AFF2: variants seen among roughly 807,000 people sequenced by gnomAD.
The protein encoded by AFF2 is ALF transcription elongation factor 2.
A neutral mutation model predicts 76.9 loss-of-function variants in AFF2; 14 were observed. The ratio of observed to expected loss-of-function variants is 0.18; its 90% CI spans 0.12 to 0.28. The LOEUF (loss-of-function observed/expected upper bound fraction) is 0.28. Ranked by LOEUF, AFF2 falls within the 10% of genes least tolerant of loss-of-function variation. AFF2 has a pLI of 1.00. For synonymous variants in AFF2, 398 were observed against 366.7 expected (o/e 1.09, Z -0.98); for missense variants, 868 against 1,001.1 (o/e 0.87, Z 1.79).
intron 3 of AFF2, among the ~76,000 whole-genome samples, chrX:148,806,498 C>T (rs189708690): frequency 8.9e-6 from 1 of 111,734 alleles, no homozygotes; most frequent in East Asian, 2.8e-4. Flanking sequence ...AATCAGACCT[C>T]CTGTTTGGTC....
intron 4 of AFF2, chrX:148,822,339 A>C (rs1394416880): frequency 1.8e-5 from 2 of 111,387 alleles, no homozygotes; most frequent in Non-Finnish European, 3.8e-5. Flanking sequence ...CTCTATAGAT[A>C]AGCAGTGGTA....
Position 148,662,199 on chromosome X carries a change from G to A in AFF2, c.472G>A (p.Glu158Lys). ...LIHSNRKSKP[E>K]WSRDSHNPST... ...ACACAGCAACAGAAAATCAAAACCT[G>A]AGTGGTCACGTGATAGTCATAACCC... The change falls in exon 3 of 21, where the codon GAG becomes AAG. Residue 158 changes from glutamate to lysine, a missense_variant. This residue lies in a region of AFF2 where 196 missense variants were observed against 194.8 expected (regional missense o/e 1.01). Transcript: ENST00000370460. 1 of 1,210,692 alleles carries A rather than the reference G, an allele frequency of 8.3e-7. No homozygotes were observed. Among genetic ancestry groups the A allele is most frequent in the Non-Finnish European group, 1.1e-6 (1 of 894,772 alleles).
At chrX:148,804,187 A>G (rs1372297671) in intron 3 of AFF2, among the ~76,000 whole-genome samples, 1 of 111,705 alleles carries the variant, frequency 9.0e-6, no homozygotes, top group Non-Finnish European at 1.9e-5. Context: ...CAACATCACA[A>G]AAATCCTAGA....
chrX:148,672,659 A>AT (rs1213900306), intron 3 of AFF2, among the ~76,000 whole-genome samples: 4 of 112,228 alleles, frequency 3.6e-5, no homozygotes, highest in African/African-American at 1.3e-4. Flanking sequence ...AAAAAGAGCA[A>AT]TTTTTCTTGT....
chrX:148,592,635 G>C (rs1012611429), intron 1 of AFF2, among the ~76,000 whole-genome samples: 1 of 111,971 alleles, frequency 8.9e-6, no homozygotes, highest in South Asian at 3.7e-4. Context: ...GAAATTAAAA[G>C]TGATCTGTGA....
At chrX:148,583,147 T>C (rs1349329381) in intron 1 of AFF2, among the ~76,000 whole-genome samples, 1 of 111,798 alleles carries the variant, frequency 8.9e-6, no homozygotes, top group African/African-American at 3.3e-5. Context: ...TTCCTTGGGG[T>C]TAATAAATAG....
chrX:148,909,159 C>A (rs782060706), intron 9 of AFF2, among the ~76,000 whole-genome samples: 1 of 112,114 alleles, frequency 8.9e-6, no homozygotes, highest in African/African-American at 3.2e-5. Context: ...CCACTTAATT[C>A]TCATTCAGAG....
intron 7 of AFF2, among the ~76,000 whole-genome samples, chrX:148,875,866 C>T (rs781798621): frequency 1.2e-4 from 13 of 110,752 alleles, no homozygotes; most frequent in Non-Finnish European, 2.5e-4. Flanking sequence ...TTCAGCACTC[C>T]TGGAATGATA....
chrX:148,857,613 G>T (rs2070801040), intron 7 of AFF2, among the ~76,000 whole-genome samples: 1 of 111,488 alleles, frequency 9.0e-6, no homozygotes, highest in South Asian at 3.8e-4. Context: ...TGAAACTGCA[G>T]GTCAAATGAG....
At chrX:148,567,896 A>T (rs1023327483) in intron 1 of AFF2, among the ~76,000 whole-genome samples, 3 of 111,882 alleles carry the variant, frequency 2.7e-5, no homozygotes, top group African/African-American at 9.7e-5. Context: ...AGTAGTGATC[A>T]GGAGGAGCGA....
At chrX:148,698,797 G>GTTTTTTT (rs142604433) in intron 3 of AFF2, among the ~76,000 whole-genome samples, 7 of 71,708 alleles carry the variant, frequency 9.8e-5, no homozygotes, top group Non-Finnish European at 1.1e-4. Context: ...GAGTTCTAGT[G>GTTTTTTT]TTTTTTTTTT....
At chrX:148,966,695 C>G in intron 13 of AFF2, 95 bp from the exon 14 acceptor site, 1 of 1,059,098 alleles carries the variant, frequency 9.4e-7, no homozygotes. Context: ...TTTTTTTTGC[C>G]TTCTTTCGTA....
chrX:148,880,746 C>T (rs781887879), intron 7 of AFF2, among the ~76,000 whole-genome samples: 9 of 111,763 alleles, frequency 8.1e-5, no homozygotes, highest in Non-Finnish European at 1.7e-4. Flanking sequence ...CCTCCTCCCT[C>T]TCCTATATGA....
chrX:148,760,423 T>C (rs1405116391), intron 3 of AFF2, among the ~76,000 whole-genome samples: 1 of 112,619 alleles, frequency 8.9e-6, no homozygotes, highest in African/African-American at 3.2e-5. Flanking sequence ...ACTACCTTTC[T>C]TTCTTCTTTT....
At chrX:148,964,312 G>T (rs2072146355) in intron 13 of AFF2, among the ~76,000 whole-genome samples, 1 of 112,233 alleles carries the variant, frequency 8.9e-6, no homozygotes, top group Admixed American at 9.4e-5. Flanking sequence ...TCTCTGAATG[G>T]TCCAAGGAGG....
At position 148,618,320 on chromosome X, in the gene AFF2, G is replaced by A. The variant is rs2053833371; in HGVS notation, c.48-33679G>A. ...TCTCACAGTTCACAGGGCTGAGGAG[G>A]CCTCAGGAAACATACAGTCATGGTG... On this transcript the variant is annotated intron_variant, in intron 1 of 20. Coordinates refer to ENST00000370460, the MANE Select transcript of AFF2 (RefSeq NM_002025.4). Among the ~76,000 whole-genome samples, 21 of 111,458 alleles carry A rather than the reference G, an allele frequency of 1.9e-4. No individual in the cohort carries two copies. In the Admixed American group the frequency reaches 2.0e-3, roughly 11 times the overall value.
intron 3 of AFF2, among the ~76,000 whole-genome samples, chrX:148,779,249 T>G (rs2069709240): frequency 9.0e-6 from 1 of 111,501 alleles, no homozygotes; most frequent in African/African-American, 3.3e-5. Context: ...TGCTGAGGAG[T>G]GTTTTACTTC....
chrX:148,741,633 G>A (rs1451462154), intron 3 of AFF2, among the ~76,000 whole-genome samples: 1 of 110,680 alleles, frequency 9.0e-6, no homozygotes, highest in African/African-American at 3.3e-5. Flanking sequence ...CAGGATTGGC[G>A]CCCTCCCCTG....
intron 7 of AFF2, among the ~76,000 whole-genome samples, chrX:148,864,082 A>G (rs1427530702): frequency 9.0e-6 from 1 of 111,596 alleles, no homozygotes; most frequent in Non-Finnish European, 1.9e-5. Flanking sequence ...GCCTCAGTGT[A>G]CTGTGAGCAA....
Sources: allele counts gnomAD v4.1 joint callset (sites outside exome capture counted in the v4.1 genomes callset), GRCh38; gene constraint gnomAD v4.1.1; regional missense constraint gnomAD v4.1.1; transcripts MANE v1.5; gene names NCBI Gene and HGNC (gene_info 2026-07-23, HGNC 2026-07-21).